Variants in SLC4A8 observed in about 807,000 individuals in gnomAD.
SLC4A8 encodes the protein solute carrier family 4 member 8.
In SLC4A8, 40 loss-of-function variants were observed where a neutral mutation model predicts 125.0. That is an observed-to-expected ratio of 0.32 (90% confidence interval 0.25 to 0.42). SLC4A8 has a LOEUF of 0.42. Ranked by LOEUF, SLC4A8 falls within the 10% of genes least tolerant of loss-of-function variation. The probability of loss-of-function intolerance (pLI) is 1.00; values close to 1 mark genes in which losing one functional copy is unlikely to be tolerated. For synonymous variants in SLC4A8, 456 were observed against 476.0 expected, an observed-to-expected ratio of 0.96 and a Z score of 0.55; for missense variants, 863 against 1,355.1, an observed-to-expected ratio of 0.64 and a Z score of 5.70.
chr12:51,408,377 G>A (rs895956238), intron 1 of SLC4A8, among the ~76,000 whole-genome samples: 4 of 151,938 alleles, frequency 2.6e-5, no homozygotes, highest in Admixed American at 2.0e-4. Context: ...TTACAGGCGC[G>A]TGCCACCATA....
intron 1 of SLC4A8, among the ~76,000 whole-genome samples, chr12:51,408,166 G>T (rs1356861645): frequency 1.3e-5 from 2 of 151,638 alleles, no homozygotes; most frequent in African/African-American, 4.9e-5. Context: ...CTTAGGTACT[G>T]GGGGCTAGGG....
At chr12:51,415,648 GTTAT>G (rs1948672932) in intron 1 of SLC4A8, among the ~76,000 whole-genome samples, 1 of 151,650 alleles carries the variant, frequency 6.6e-6, no homozygotes, top group South Asian at 2.1e-4. Context: ...TTGTTGCTAT[GTTAT>G]TTGTTTACTC....
At chr12:51,433,869 T>G (rs1555188612) in intron 1 of SLC4A8, among the ~76,000 whole-genome samples, 2,348 of 33,512 alleles carry the variant, frequency 0.07, 48 homozygotes, top group Non-Finnish European at 0.1. Context: ...TTTTTTTTTT[T>G]TTTTTTTTTG....
At chr12:51,476,457 G>A (rs893481866) in intron 16 of SLC4A8, among the ~76,000 whole-genome samples, 2 of 151,862 alleles carry the variant, frequency 1.3e-5, no homozygotes, top group African/African-American at 4.8e-5. Flanking sequence ...CTCCAGCCTG[G>A]GCGACAGAGT....
chr12:51,420,243 G>A (rs1592153322), upstream of SLC4A8: 1 of 152,118 alleles, frequency 6.6e-6, no homozygotes, highest in Non-Finnish European at 1.5e-5. Context: ...TAAAAATCAG[G>A]TATAAGACAC....
At chr12:51,417,804 C>T (rs1216334082) in intron 1 of SLC4A8, among the ~76,000 whole-genome samples, 1 of 152,224 alleles carries the variant, frequency 6.6e-6, no homozygotes, top group Non-Finnish European at 1.5e-5. Flanking sequence ...GCGTGAGCCA[C>T]TGCACCCGGC....
At chr12:51,422,981 G>A (rs1948825396), upstream of SLC4A8, among the ~76,000 whole-genome samples, 1 of 152,128 alleles carries the variant, frequency 6.6e-6, no homozygotes. Flanking sequence ...AGCTCCCTTG[G>A]AGATATATAT....
At chr12:51,430,316 G>A (rs1949147991) in intron 1 of SLC4A8, among the ~76,000 whole-genome samples, 1 of 152,144 alleles carries the variant, frequency 6.6e-6, no homozygotes. Flanking sequence ...TTGGAGCTCA[G>A]TAAATATTTG....
chr12:51,472,624 T>G (rs758596190), intron 14 of SLC4A8, among the ~76,000 whole-genome samples: 3 of 152,126 alleles, frequency 2.0e-5, no homozygotes, highest in Non-Finnish European at 4.4e-5. Flanking sequence ...CAAGCACCAT[T>G]TTAGGCCTTG....
At position 51,457,451 on chromosome 12, in the gene SLC4A8, A is replaced by G. The variant is rs1167399103; in HGVS notation, c.675A>G (p.Glu225=). Residue 225 remains glutamate (E), a synonymous_variant, in exon 6 of 25, where the codon GAA becomes GAG. Coordinates refer to ENST00000453097, the MANE Select transcript of SLC4A8 (RefSeq NM_001039960.3). ...ALLKKHHHQN[E]KKRNNLIPIV... ...TCAAAAAGCATCATCATCAGAATGA[A>G]AAGAAGAGAAACAACCTCATTCCCA... The G allele has an allele frequency of 1.9e-6, 3 of 1,614,178 alleles. No homozygotes were observed. The highest frequency in any genetic ancestry group is 2.5e-6 in the Non-Finnish European group (3 of 1,179,990).
intron 16 of SLC4A8, among the ~76,000 whole-genome samples, chr12:51,483,439 C>T (rs1197784871): frequency 6.7e-6 from 1 of 149,510 alleles, no homozygotes; most frequent in Non-Finnish European, 1.5e-5. Context: ...AGGTTTCAGC[C>T]AGACACATTT....
At chr12:51,448,394 G>C (rs938832407) in intron 2 of SLC4A8, among the ~76,000 whole-genome samples, 12 of 152,198 alleles carry the variant, frequency 7.9e-5, no homozygotes, top group African/African-American at 2.9e-4. Context: ...CAGAAACATG[G>C]AATGAGTATA....
chr12:51,457,591 A>G, intron 6 of SLC4A8, 52 bp downstream of exon 6: 1 of 1,521,762 alleles, frequency 6.6e-7, no homozygotes, highest in Non-Finnish European at 9.0e-7. Flanking sequence ...ATTGGGAACT[A>G]GTTGGAGATG....
At chr12:51,414,998 G>A (rs1948658854) in intron 1 of SLC4A8, among the ~76,000 whole-genome samples, 1 of 152,172 alleles carries the variant, frequency 6.6e-6, no homozygotes, top group Non-Finnish European at 1.5e-5. Context: ...GCATCCCTGC[G>A]ATAAATCCCA....
At chr12:51,412,903 A>G (rs934021532) in intron 1 of SLC4A8, among the ~76,000 whole-genome samples, 4 of 152,234 alleles carry the variant, frequency 2.6e-5, no homozygotes, top group Non-Finnish European at 5.9e-5. Flanking sequence ...CCTTTGATAT[A>G]CTGATTTCCT....
At chr12:51,412,687 T>G (rs926402982) in intron 1 of SLC4A8, among the ~76,000 whole-genome samples, 4 of 152,242 alleles carry the variant, frequency 2.6e-5, no homozygotes, top group Non-Finnish European at 4.4e-5. Context: ...GATGTTTGTC[T>G]TTCTGTACCT....
At chr12:51,440,653 GT>G (rs1226247306) in intron 1 of SLC4A8, 54 bp from the exon 2 acceptor site, 1 of 1,368,528 alleles carries the variant, frequency 7.3e-7, no homozygotes, top group African/African-American at 1.5e-5. Context: ...CACAAGGTTT[GT>G]ATATTTGAAC....
chr12:51,410,151 C>T (rs1948567194), intron 1 of SLC4A8, among the ~76,000 whole-genome samples: 1 of 152,120 alleles, frequency 6.6e-6, no homozygotes, highest in Admixed American at 6.5e-5. Context: ...ATTAGATAAG[C>T]AAGCACAGTG....
chr12:51,408,586 G>T (rs939096125), intron 1 of SLC4A8, among the ~76,000 whole-genome samples: 1 of 152,156 alleles, frequency 6.6e-6, no homozygotes, highest in Non-Finnish European at 1.5e-5. Context: ...AGATGGCAAA[G>T]ACCAGTGCTC....
Sources: allele counts gnomAD v4.1 joint callset (sites outside exome capture counted in the v4.1 genomes callset), GRCh38; gene constraint gnomAD v4.1.1; transcripts MANE v1.5; gene names NCBI Gene and HGNC (gene_info 2026-07-23, HGNC 2026-07-21).